The following CLVS1 variants were observed in gnomAD, a reference collection of about 807,000 sequenced individuals.
The protein encoded by CLVS1 is clavesin-1.
In CLVS1, 10 loss-of-function variants were observed where a neutral mutation model predicts 33.1. The observed-to-expected ratio is 0.30, with a 90% confidence interval of 0.19 to 0.51. The LOEUF (loss-of-function observed/expected upper bound fraction) is 0.51, where lower values mean the gene tolerates loss of function less well. Ranked by LOEUF, CLVS1 falls within the 20% of genes least tolerant of loss-of-function variation. The probability of loss-of-function intolerance (pLI) is 0.97; values close to 1 mark genes in which losing one functional copy is unlikely to be tolerated. For missense variants in CLVS1, 343 were observed against 433.4 expected (o/e 0.79, Z 1.85); for synonymous variants, 163 against 166.1 (o/e 0.98, Z 0.14).
chr8:61,086,429 C>A (rs1375936743), intron 1 of CLVS1, among the ~76,000 whole-genome samples: 1 of 152,132 alleles, frequency 6.6e-6, no homozygotes, highest in Non-Finnish European at 1.5e-5. Flanking sequence ...TAGTTTTCTG[C>A]ACAAACATTT....
intron 2 of CLVS1, among the ~76,000 whole-genome samples, chr8:61,364,809 G>T (rs567660620): frequency 6.6e-6 from 1 of 152,162 alleles, no homozygotes; most frequent in Admixed American, 6.5e-5. Flanking sequence ...AAATACGGAG[G>T]TTTGGAGTTT....
chr8:61,185,038 C>T (rs1426678976), intron 2 of CLVS1, among the ~76,000 whole-genome samples: 1 of 151,836 alleles, frequency 6.6e-6, no homozygotes, highest in African/African-American at 2.4e-5. Context: ...TTTCTAGACA[C>T]ATATTTTCCA....
intron 2 of CLVS1, among the ~76,000 whole-genome samples, chr8:61,165,196 AC>A (rs1315882627): frequency 6.6e-6 from 1 of 152,158 alleles, no homozygotes; most frequent in Non-Finnish European, 1.5e-5. Flanking sequence ...CATAGCAGAC[AC>A]CCTGCTGGAT....
Position 61,365,772 on chromosome 8 carries a change from T to TGC in CLVS1, c.456-10832_456-10831insCG, listed in dbSNP as rs1234907666. Among the ~76,000 whole-genome samples, 27 of 142,916 alleles carry TGC rather than the reference T, an allele frequency of 1.9e-4. No homozygotes were observed. In the South Asian group the frequency reaches 3.6e-3, roughly 19 times the overall value. The allele number at this position is 142,916 out of a possible 152,430, so 93.8% of individuals were successfully genotyped here. On this transcript the variant is annotated intron_variant, in intron 2 of 5. Transcript: ENST00000325897. ...TTTACAGGGTGTGTGTGTGTGTGTG[T>TGC]GTGCGTGTGTGTGTGTGTGTGTTGT...
At chr8:61,090,006 TGAA>T (rs1207464845) in intron 1 of CLVS1, among the ~76,000 whole-genome samples, 3 of 152,244 alleles carry the variant, frequency 2.0e-5, no homozygotes, top group Non-Finnish European at 4.4e-5. Flanking sequence ...TGGTTGCCTA[TGAA>T]GAAGTTCTCC....
chr8:61,025,831 A>T, the CLVS1 span, among the ~76,000 whole-genome samples: 1 of 152,206 alleles, frequency 6.6e-6, no homozygotes, highest in Non-Finnish European at 1.5e-5. Context: ...GCTCTAGCCT[A>T]ATACAATAAT....
intron 2 of CLVS1, among the ~76,000 whole-genome samples, chr8:61,156,214 CAAAAA>C (rs56094016): frequency 3.6e-5 from 2 of 56,336 alleles, no homozygotes; most frequent in East Asian, 7.7e-4. Context: ...GATTCCATCT[CAAAAA>C]AAAAAAAAAA....
At chr8:61,095,924 G>T (rs1164706328) in intron 1 of CLVS1, among the ~76,000 whole-genome samples, 1 of 151,860 alleles carries the variant, frequency 6.6e-6, no homozygotes, top group Non-Finnish European at 1.5e-5. Context: ...AAACTACCCG[G>T]GAATCAAAAA....
At chr8:61,380,576 T>C (rs983841405) in intron 3 of CLVS1, among the ~76,000 whole-genome samples, 3 of 152,178 alleles carry the variant, frequency 2.0e-5, no homozygotes, top group African/African-American at 7.2e-5. Context: ...ATTTTGAGAG[T>C]GCTTGAAAGT....
chr8:61,082,516 A>ACAAC (rs60189951), intron 1 of CLVS1, among the ~76,000 whole-genome samples: 1 of 151,092 alleles, frequency 6.6e-6, no homozygotes, highest in South Asian at 2.1e-4. Context: ...AACAACAACA[A>ACAAC]AAAACTGTGC....
At chr8:61,007,452 T>C in the CLVS1 span, among the ~76,000 whole-genome samples, 1 of 152,226 alleles carries the variant, frequency 6.6e-6, no homozygotes, top group African/African-American at 2.4e-5. Flanking sequence ...TTGGTTGCAC[T>C]AAAGTCACTA....
chr8:61,161,191 T>C (rs1256402104), intron 2 of CLVS1, among the ~76,000 whole-genome samples: 1 of 137,090 alleles, frequency 7.3e-6, no homozygotes, highest in African/African-American at 2.5e-5. Flanking sequence ...TTGGTGAGGA[T>C]GTAGAGAGAA....
intron 5 of CLVS1, among the ~76,000 whole-genome samples, chr8:61,462,683 A>G (rs1817409675): frequency 6.6e-6 from 1 of 152,162 alleles, no homozygotes; most frequent in Non-Finnish European, 1.5e-5. Flanking sequence ...TTTTTTTCTG[A>G]GCAGTAAGTC....
chr8:61,111,630 A>T (rs1317811062), intron 1 of CLVS1, among the ~76,000 whole-genome samples: 1 of 152,126 alleles, frequency 6.6e-6, no homozygotes, highest in Non-Finnish European at 1.5e-5. Flanking sequence ...ATTTGTTTAA[A>T]TGTGGGCCTC....
chr8:61,339,453 T>C (rs1432078068), intron 2 of CLVS1, among the ~76,000 whole-genome samples: 1 of 152,184 alleles, frequency 6.6e-6, no homozygotes, highest in Non-Finnish European at 1.5e-5. Flanking sequence ...ATTTAGCAGC[T>C]GTGAGAGGCA....
intron 2 of CLVS1, among the ~76,000 whole-genome samples, chr8:61,150,646 T>A (rs534611795): frequency 2.1e-4 from 32 of 152,286 alleles, no homozygotes; most frequent in Non-Finnish European, 4.0e-4. Flanking sequence ...GAGACAGCAG[T>A]AGCTGTGTCA....
At chr8:61,392,950 C>T (rs149148131) in intron 3 of CLVS1, among the ~76,000 whole-genome samples, 68 of 152,174 alleles carry the variant, frequency 4.5e-4, no homozygotes, top group Non-Finnish European at 6.6e-4. Context: ...ATTGTGCTAT[C>T]TCGGCTCACT....
intron 3 of CLVS1, among the ~76,000 whole-genome samples, chr8:61,436,012 T>C (rs1816317776): frequency 6.6e-6 from 1 of 152,222 alleles, no homozygotes; most frequent in Non-Finnish European, 1.5e-5. Flanking sequence ...AGGTTTCAAA[T>C]ATTTTTACAT....
At chr8:60,981,334 T>A in the CLVS1 span, among the ~76,000 whole-genome samples, 1 of 152,204 alleles carries the variant, frequency 6.6e-6, no homozygotes, top group Non-Finnish European at 1.5e-5. Flanking sequence ...AGAAAATGAA[T>A]TTATGTAGCT....
Sources: allele counts gnomAD v4.1 joint callset (sites outside exome capture counted in the v4.1 genomes callset), GRCh38; gene constraint gnomAD v4.1.1; transcripts MANE v1.5; gene names NCBI Gene and HGNC (gene_info 2026-07-23, HGNC 2026-07-21).